ADAMTS18: variants seen among roughly 807,000 people sequenced by gnomAD.
ADAMTS18 encodes ADAM metallopeptidase with thrombospondin type 1 motif 18, also known as A disintegrin and metalloproteinase with thrombospondin motifs 18.
Under a neutral mutation model 165.9 loss-of-function variants are expected in ADAMTS18, and 157 were observed. The observed-to-expected ratio is 0.95, with a 90% CI of 0.83 to 1.08. The LOEUF (loss-of-function observed/expected upper bound fraction) is 1.08. ADAMTS18 is among the 50% of genes least tolerant of loss of function. The pLI is 0.00. For synonymous variants in ADAMTS18, 782 were observed against 578.2 expected, an observed-to-expected ratio of 1.35 and a Z score of -5.06; for missense variants, 2,040 against 1,534.0, an observed-to-expected ratio of 1.33 and a Z score of -5.51.
At position 77,390,203 on chromosome 16, in the gene ADAMTS18, A is replaced by G. The variant is rs1207017382; in HGVS notation, c.496-22480T>C. ...CTGGGTTTCTGCAAGAAATAACGGC[A>G]GTGGAAACCAAGCAATGATGGTAAA... On this transcript the variant is annotated intron_variant, in intron 3 of 22. Transcript: ENST00000282849. 3.3e-5 allele frequency among the ~76,000 whole-genome samples: 5 copies of G among 152,350 alleles called. No individual in the cohort carries two copies. The East Asian group carries it at 9.6e-4, about 29-fold the overall frequency.
chr16:77,408,447 A>T (rs1422508957), intron 3 of ADAMTS18, among the ~76,000 whole-genome samples: 3 of 152,144 alleles, frequency 2.0e-5, no homozygotes, highest in Non-Finnish European at 4.4e-5. Flanking sequence ...ACCAGAAACA[A>T]CCCAAATGTC....
intron 10 of ADAMTS18, among the ~76,000 whole-genome samples, chr16:77,343,540 C>T (rs574848928): frequency 6.6e-6 from 1 of 152,286 alleles, no homozygotes; most frequent in South Asian, 2.1e-4. Context: ...ACTCATTTAG[C>T]TGAAAAAACT....
At chr16:77,377,620 G>C (rs1038096039) in intron 3 of ADAMTS18, among the ~76,000 whole-genome samples, 3 of 152,196 alleles carry the variant, frequency 2.0e-5, no homozygotes, top group Non-Finnish European at 4.4e-5. Context: ...ATAGTACAAA[G>C]TAGCCCCAGT....
chr16:77,356,925 G>C (rs1318035233), intron 8 of ADAMTS18, among the ~76,000 whole-genome samples: 1 of 150,890 alleles, frequency 6.6e-6, no homozygotes, highest in Non-Finnish European at 1.5e-5. Flanking sequence ...TAGAAGATGG[G>C]GAAATAAGAG....
chr16:77,333,969 T>TAC (rs569434055), intron 12 of ADAMTS18, among the ~76,000 whole-genome samples: 129 of 133,600 alleles, frequency 9.7e-4, no homozygotes, highest in African/African-American at 3.3e-3. Flanking sequence ...ATATATAATA[T>TAC]AGTGTCATAT....
At chr16:77,338,328 C>T (rs185423568) in intron 11 of ADAMTS18, among the ~76,000 whole-genome samples, 2 of 152,188 alleles carry the variant, frequency 1.3e-5, no homozygotes, top group East Asian at 1.9e-4. Flanking sequence ...CTCCACCTCC[C>T]GGATTTAAGT....
Position 77,322,411 on chromosome 16 carries a change from T to G in ADAMTS18, c.2088A>C (p.Ala696=), listed in dbSNP as rs751500781. Residue 696 remains alanine, a synonymous_variant, in exon 14 of 23, where the codon GCA becomes GCC. Coordinates refer to ENST00000282849, the MANE Select transcript of ADAMTS18 (RefSeq NM_199355.4). ...TTCCATCTTTCACTTTGCCGGACAT[T>G]GCAAAAAAAAATTCAAAGTTCTCAG... ...CKAENFEFFF[A]MSGKVKDGTP... is the part of the protein sequence containing the mutation. 1 of 1,613,756 alleles carries G rather than the reference T, an allele frequency of 6.2e-7. No individual in the cohort carries two copies. Among genetic ancestry groups the G allele is most frequent in the East Asian group, 2.2e-5 (1 of 44,862 alleles).
At chr16:77,314,822 G>T (rs2055858293) in intron 16 of ADAMTS18, among the ~76,000 whole-genome samples, 1 of 107,350 alleles carries the variant, frequency 9.3e-6, no homozygotes, top group Non-Finnish European at 1.9e-5. Flanking sequence ...CAAAATAATG[G>T]CAATAGTAAT....
At chr16:77,286,543 ATGCTCAGAAAGTTCAAAACT>A (rs1253288608) in intron 22 of ADAMTS18, among the ~76,000 whole-genome samples, 3 of 151,096 alleles carry the variant, frequency 2.0e-5, no homozygotes, top group Non-Finnish European at 4.4e-5. Flanking sequence ...AGTTTTATGA[ATGCTCAGAAAGTTCAAAACT>A]TGCTCAAAGC....
chr16:77,331,081 GT>G (rs2056181236), intron 12 of ADAMTS18, among the ~76,000 whole-genome samples: 1 of 152,062 alleles, frequency 6.6e-6, no homozygotes. Flanking sequence ...TTTTCATCTT[GT>G]TTTAAATGAT....
chr16:77,411,301 G>T (rs74316403), intron 3 of ADAMTS18, among the ~76,000 whole-genome samples: 1 of 152,064 alleles, frequency 6.6e-6, no homozygotes, highest in Non-Finnish European at 1.5e-5. Flanking sequence ...ACCTTTCCTG[G>T]CATTCTGTAT....
intron 3 of ADAMTS18, among the ~76,000 whole-genome samples, chr16:77,412,048 A>G (rs2057471626): frequency 1.3e-5 from 2 of 152,052 alleles, no homozygotes; most frequent in African/African-American, 4.8e-5. Context: ...CAGGTGAAAC[A>G]GACATTTGAT....
chr16:77,367,790 A>G (rs1423669619), intron 3 of ADAMTS18, 67 bp from the exon 4 acceptor site: 2 of 1,592,256 alleles, frequency 1.3e-6, no homozygotes, highest in Non-Finnish European at 1.7e-6. Context: ...GTTGGTTTTC[A>G]ACAACTGCTT....
chr16:77,321,181 G>A lies in ADAMTS18; in HGVS notation c.2185C>T (p.Leu729=). ...GCATCTGAAACTGCTTTAGAGCCTA[G>A]TTCATGATCACATCCCACTAGCTGT... is the stretch of plus-strand genomic sequence containing the variant. ...VCELVGCDHE[L]GSKAVSDACG... is the part of the protein sequence containing the mutation. The change falls in exon 15 of 23, where the codon CTA becomes TTA. Residue 729 remains leucine, a synonymous_variant. Transcript: ENST00000282849. 1.9e-6 allele frequency: 3 copies of A among 1,614,184 alleles called. No homozygotes were observed. Among genetic ancestry groups the A allele is most frequent in the Non-Finnish European group, 2.5e-6 (3 of 1,180,020 alleles).
At chr16:77,374,669 G>T (rs924434731) in intron 3 of ADAMTS18, among the ~76,000 whole-genome samples, 1 of 152,148 alleles carries the variant, frequency 6.6e-6, no homozygotes, top group Non-Finnish European at 1.5e-5. Context: ...TGGACTAACC[G>T]GTTTGGAAGC....
rs1170350945 is a variant in ADAMTS18 at position 77,285,011 on chromosome 16, C to CAA, written c.3551-941_3551-940insTT. On this transcript the variant is annotated intron_variant, in intron 22 of 22. Coordinates refer to ENST00000282849, the MANE Select transcript of ADAMTS18 (RefSeq NM_199355.4). ...TTGCAAGTAAATAAATTTAAGTCAA[C>CAA]ACCAGTCCTTTCTAATTTCTTTAGT... 2.0e-5 allele frequency among the ~76,000 whole-genome samples: 3 copies of CAA among 151,114 alleles called. No individual in the cohort carries two copies. In the East Asian group the frequency reaches 5.8e-4, roughly 29 times the overall value.
intron 19 of ADAMTS18, 30 bp downstream of exon 19, chr16:77,294,893 A>T (rs781233200): frequency 6.2e-7 from 1 of 1,610,610 alleles, no homozygotes; most frequent in South Asian, 1.1e-5. Context: ...GGGGACCGAG[A>T]ATAGTAACTC....
At chr16:77,412,325 G>C (rs867674720) in intron 3 of ADAMTS18, among the ~76,000 whole-genome samples, 3 of 151,998 alleles carry the variant, frequency 2.0e-5, no homozygotes, top group African/African-American at 4.8e-5. Context: ...TATTATAATA[G>C]TATAATAAAT....
At chr16:77,401,981 C>T (rs1040543882) in intron 3 of ADAMTS18, among the ~76,000 whole-genome samples, 7 of 152,114 alleles carry the variant, frequency 4.6e-5, no homozygotes, top group African/African-American at 9.7e-5. Context: ...TTCAGGTGTT[C>T]GGACTCAGGT....
Sources: gnomAD v4.1 joint callset for allele counts (sites outside exome capture counted in the v4.1 genomes callset) on GRCh38, gnomAD v4.1.1 for gene constraint, MANE v1.5 for transcripts, NCBI Gene and HGNC (gene_info 2026-07-23, HGNC 2026-07-21) for gene names.